Variants in SLC19A1 observed in about 807,000 individuals in gnomAD.
The protein encoded by SLC19A1 is reduced folate transporter.
SLC19A1 carries 37 observed loss-of-function variants against 35.3 expected under a neutral mutation model. The ratio of observed to expected loss-of-function variants is 1.05; its 90% CI spans 0.81 to 1.38. The LOEUF (loss-of-function observed/expected upper bound fraction) is 1.38. SLC19A1 is among the 40% of genes most tolerant of loss of function. SLC19A1 has a pLI of 0.00. For synonymous variants in SLC19A1, 460 were observed against 398.5 expected (o/e 1.15, Z -1.84); for missense variants, 831 against 826.9 (o/e 1.00, Z -0.06).
intron 3 of SLC19A1, chr21:45,505,996 C>G: frequency 6.2e-7 from 1 of 1,612,698 alleles, no homozygotes; most frequent in Non-Finnish European, 8.5e-7. Context: ...GGTTCTGGAC[C>G]CGTGGAAGGG....
intron 5 of SLC19A1, among the ~76,000 whole-genome samples, chr21:45,521,193 G>A (rs2077429275): frequency 1.3e-5 from 2 of 152,346 alleles, no homozygotes; most frequent in Non-Finnish European, 1.5e-5. Context: ...GGAACTGTGA[G>A]AGAATATATT....
At chr21:45,504,446 CAG>C in intron 3 of SLC19A1, 1 of 1,611,568 alleles carries the variant, frequency 6.2e-7, no homozygotes. Context: ...TGATGCAGGA[CAG>C]AAAGGCGAAA....
At chr21:45,504,311 G>A (rs1458378622) in intron 3 of SLC19A1, 6 of 1,191,786 alleles carry the variant, frequency 5.0e-6, no homozygotes, top group Non-Finnish European at 7.1e-6. Context: ...CCAGGCCTGG[G>A]CTCCGGAAGC....
At chr21:45,512,140 T>TA (rs1341959433), downstream of SLC19A1, 1 of 1,572,288 alleles carries the variant, frequency 6.4e-7, no homozygotes, top group East Asian at 2.4e-5. Context: ...GCCTCTGCCC[T>TA]AAGCAGAGCA....
intron 2 of SLC19A1, among the ~76,000 whole-genome samples, chr21:45,537,537 C>A (rs182723376): frequency 4.7e-5 from 7 of 148,272 alleles, no homozygotes; most frequent in African/African-American, 1.7e-4. Flanking sequence ...CCCCGCCCAC[C>A]CACAGGCGGC....
intron 4 of SLC19A1, 85 bp from the exon 5 acceptor site, chr21:45,526,043 A>G (rs771181240): frequency 2.3e-4 from 345 of 1,486,028 alleles, no homozygotes; most frequent in Admixed American, 5.5e-4. Flanking sequence ...GGCTCCCACC[A>G]GCCCATGACC....
chr21:45,530,576 C>T lies in SLC19A1; in HGVS notation c.1151+194G>A, dbSNP rs2077837251. Among the ~76,000 whole-genome samples, 1 of 152,084 alleles carries T rather than the reference C, an allele frequency of 6.6e-6. No homozygotes were observed. Among genetic ancestry groups the T allele is most frequent in the Non-Finnish European group, 1.5e-5 (1 of 67,972 alleles). The stretch of plus-strand genomic sequence containing the variant: ...GAGCGTGGAGGGCCTGGGGGAGCAG[C>T]AAGACGGCACAGGAAGGGACGCCCG... On this transcript the variant is annotated intron_variant, in intron 4 of 5. Coordinates refer to ENST00000311124, the MANE Select transcript of SLC19A1 (RefSeq NM_194255.4). This position sits in a 1 kb window ranked among gnomAD's most constrained non-coding sequence, Gnocchi z 5.3.
chr21:45,509,086 G>T (rs528770026), downstream of SLC19A1, among the ~76,000 whole-genome samples: 1 of 152,246 alleles, frequency 6.6e-6, no homozygotes, highest in African/African-American at 2.4e-5. Context: ...GCAGGTCAGG[G>T]CACGTGGTGA....
At chr21:45,536,999 CTATTAGAACAGTTTCAA>C (rs1215423056) in intron 2 of SLC19A1, among the ~76,000 whole-genome samples, 4 of 152,228 alleles carry the variant, frequency 2.6e-5, no homozygotes, top group Non-Finnish European at 5.9e-5. Flanking sequence ...GGGCATAAGC[CTATTAGAACAGTTTCAA>C]TAAGACCCTT....
rs1051340641 is a variant in SLC19A1, at chr21:45,537,962, T to G, written c.-3A>C. 3 of 1,552,964 alleles carry G rather than the reference T, an allele frequency of 1.9e-6. No homozygotes were observed. The highest frequency in any genetic ancestry group is 2.6e-6 in the Non-Finnish European group (3 of 1,152,112). On this transcript the variant is annotated 5_prime_UTR_variant, in exon 2 of 6. Coordinates refer to ENST00000311124, the MANE Select transcript of SLC19A1 (RefSeq NM_194255.4). ...ACCGCTGGGCTGGAGGGCACCATCC[T>G]GCTCAGGCCACGTGCAGCTCCGGAG...
chr21:45,516,358 C>T (rs2037942300), intron 5 of SLC19A1, among the ~76,000 whole-genome samples: 1 of 152,212 alleles, frequency 6.6e-6, no homozygotes, highest in African/African-American at 2.4e-5. Context: ...AGGGGGGTTC[C>T]CACCATTTCC....
intron 1 of SLC19A1, among the ~76,000 whole-genome samples, chr21:45,538,526 G>A (rs1429684477): frequency 2.0e-5 from 3 of 152,330 alleles, no homozygotes; most frequent in African/African-American, 7.2e-5. Flanking sequence ...CACACCACAG[G>A]TGGCCAGCGG....
intron 2 of SLC19A1, among the ~76,000 whole-genome samples, chr21:45,537,332 C>T (rs1173746674): frequency 4.6e-5 from 7 of 152,206 alleles, no homozygotes; most frequent in Admixed American, 6.5e-5. Flanking sequence ...GACACGGCCA[C>T]TCACCCGCTC....
intron 3 of SLC19A1, chr21:45,505,722 ACCTGTCCAAAGC>A: frequency 1.2e-6 from 1 of 868,914 alleles, no homozygotes; most frequent in African/African-American, 1.7e-5. Flanking sequence ...CTCAGTCCAC[ACCTGTCCAAAGC>A]CCTGCGGCCC....
chr21:45,524,153 G>A (rs1217301792), intron 5 of SLC19A1, among the ~76,000 whole-genome samples: 1 of 139,790 alleles, frequency 7.2e-6, no homozygotes, highest in African/African-American at 2.7e-5. Flanking sequence ...TTCACCCCTG[G>A]GCCTTGGAGG....
At chr21:45,552,502 G>T (rs2078475981) in intron 1 of SLC19A1, among the ~76,000 whole-genome samples, 1 of 152,180 alleles carries the variant, frequency 6.6e-6, no homozygotes, top group African/African-American at 2.4e-5. Context: ...CAGGACCGCA[G>T]CCCTCGAATG....
chr21:45,543,126 G>T (rs2078362798), upstream of SLC19A1, among the ~76,000 whole-genome samples: 1 of 152,200 alleles, frequency 6.6e-6, no homozygotes, highest in Admixed American at 6.5e-5. Flanking sequence ...AGCAGGGACA[G>T]CCCGGGGGAG....
At chr21:45,510,978 C>CA (rs2146135792), downstream of SLC19A1, 10 of 20,674 alleles carry the variant, frequency 4.8e-4, 3 homozygotes, top group Middle Eastern at 0.023. Context: ...CCCAAACACC[C>CA]CCCACACCCC....
intron 1 of SLC19A1, among the ~76,000 whole-genome samples, chr21:45,538,870 C>A (rs2078218223): frequency 6.6e-6 from 1 of 152,164 alleles, no homozygotes; most frequent in African/African-American, 2.4e-5. Context: ...ACCTTGGGGA[C>A]CATCCCGCCA....
Sources: allele counts gnomAD v4.1 joint callset (sites outside exome capture counted in the v4.1 genomes callset), GRCh38; gene constraint gnomAD v4.1.1; non-coding constraint Gnocchi (gnomAD v3.1); transcripts MANE v1.5; gene names NCBI Gene and HGNC (gene_info 2026-07-23, HGNC 2026-07-21).